TSPEAR: variants seen among roughly 807,000 people sequenced by gnomAD.
TSPEAR encodes thrombospondin-type laminin G domain and EAR repeat-containing protein.
In TSPEAR, 69 loss-of-function variants were observed where a neutral mutation model predicts 71.6. The observed-to-expected ratio is 0.96, with a 90% CI of 0.79 to 1.18. The LOEUF (loss-of-function observed/expected upper bound fraction) is 1.18. Among genes scored for constraint, TSPEAR ranks in the 50% most tolerant of loss-of-function variants. The pLI, the probability that TSPEAR is intolerant of heterozygous loss-of-function variation, is 0.00. For synonymous variants in TSPEAR, 402 were observed against 387.2 expected, an observed-to-expected ratio of 1.04 and a Z score of -0.45; for missense variants, 971 against 894.9, an observed-to-expected ratio of 1.09 and a Z score of -1.09.
intron 1 of TSPEAR, among the ~76,000 whole-genome samples, chr21:44,578,241 C>T (rs1057427069): frequency 4.6e-5 from 7 of 151,070 alleles, no homozygotes; most frequent in African/African-American, 1.7e-4. Flanking sequence ...TAAAGGAAAC[C>T]AAACAAATAA....
chr21:44,708,445 T>G (rs567774129), intron 1 of TSPEAR, among the ~76,000 whole-genome samples: 10 of 152,196 alleles, frequency 6.6e-5, no homozygotes. Context: ...GGACAGAGGT[T>G]GAGGGCAGAG....
intron 1 of TSPEAR, chr21:44,637,836 C>G (rs1983736848): frequency 7.2e-7 from 1 of 1,384,468 alleles, no homozygotes. Flanking sequence ...TGCACCTCCT[C>G]CCCATGCCAG....
chr21:44,611,908 A>G (rs897178741), intron 1 of TSPEAR, among the ~76,000 whole-genome samples: 3 of 152,220 alleles, frequency 2.0e-5, no homozygotes, highest in Admixed American at 1.3e-4. Flanking sequence ...TCCTGGGACC[A>G]CAGTAACATC....
At chr21:44,529,225 C>T (rs900403010) in intron 5 of TSPEAR, among the ~76,000 whole-genome samples, 8 of 152,182 alleles carry the variant, frequency 5.3e-5, no homozygotes, top group East Asian at 1.9e-4. Flanking sequence ...AGTGGGGATG[C>T]GGCGGGGAGG....
chr21:44,678,820 G>A (rs189299929), intron 1 of TSPEAR, among the ~76,000 whole-genome samples: 18 of 152,186 alleles, frequency 1.2e-4, no homozygotes, highest in Non-Finnish European at 1.6e-4. Flanking sequence ...GTAGTGTTTC[G>A]ATACACCAAT....
chr21:44,512,829 A>G (rs1376791463), intron 9 of TSPEAR, among the ~76,000 whole-genome samples: 1 of 152,070 alleles, frequency 6.6e-6, no homozygotes, highest in Non-Finnish European at 1.5e-5. Flanking sequence ...CAGTGGCCGG[A>G]GTGAATGCTG....
intron 1 of TSPEAR, chr21:44,698,100 G>A: frequency 3.4e-6 from 3 of 882,334 alleles, no homozygotes; most frequent in Non-Finnish European, 5.1e-6. Context: ...CCTAAGCCCT[G>A]GGGGCTCCTG....
chr21:44,639,827 A>G (rs1827518), intron 1 of TSPEAR, among the ~76,000 whole-genome samples: 38,113 of 151,658 alleles, frequency 0.25, 5,461 homozygotes, highest in African/African-American at 0.4. Flanking sequence ...TTCCCTGTCC[A>G]AGGCACCGAC....
At chr21:44,512,152 G>A (rs1427133023) in intron 9 of TSPEAR, among the ~76,000 whole-genome samples, 13 of 152,338 alleles carry the variant, frequency 8.5e-5, no homozygotes, top group South Asian at 2.1e-4. Flanking sequence ...CACAGAGTGC[G>A]GAGCAGGGGC....
chr21:44,600,957 C>T (rs587709712), intron 1 of TSPEAR: 196 of 1,610,770 alleles, frequency 1.2e-4, no homozygotes, highest in Admixed American at 7.7e-4. Context: ...GCTGCGTGCC[C>T]GTCTGCTGCA....
intron 1 of TSPEAR, among the ~76,000 whole-genome samples, chr21:44,655,121 GC>G (rs1569243361): frequency 6.6e-6 from 1 of 152,238 alleles, no homozygotes; most frequent in African/African-American, 2.4e-5. Flanking sequence ...CAGAGGTCTA[GC>G]ACTGTGCCAG....
intron 1 of TSPEAR, among the ~76,000 whole-genome samples, chr21:44,568,885 G>C (rs970051331): frequency 2.6e-5 from 4 of 152,196 alleles, no homozygotes; most frequent in Non-Finnish European, 4.4e-5. Flanking sequence ...TGTTGGGTCA[G>C]TCCACTCTGG....
At chr21:44,697,368 G>A in intron 1 of TSPEAR, 2 of 1,613,348 alleles carry the variant, frequency 1.2e-6, no homozygotes, top group Non-Finnish European at 1.7e-6. Context: ...ACCCCAGTGA[G>A]CCGTGTATCC....
intron 8 of TSPEAR, among the ~76,000 whole-genome samples, chr21:44,522,881 C>T (rs1169916251): frequency 6.6e-6 from 1 of 152,272 alleles, no homozygotes; most frequent in Non-Finnish European, 1.5e-5. Context: ...CCTGGGCCCA[C>T]CACCCAACAT....
chr21:44,587,885 C>T (rs1979444664), intron 1 of TSPEAR, among the ~76,000 whole-genome samples: 1 of 152,166 alleles, frequency 6.6e-6, no homozygotes, highest in South Asian at 2.1e-4. Context: ...CAAGATGGAT[C>T]AAGGACTTAA....
intron 1 of TSPEAR, among the ~76,000 whole-genome samples, chr21:44,602,332 T>A (rs1325616965): frequency 6.6e-6 from 1 of 152,078 alleles, no homozygotes; most frequent in Non-Finnish European, 1.5e-5. Context: ...GTCCGAGGGG[T>A]AGGCAGGACT....
At chr21:44,636,255 T>C (rs1356956844) in intron 1 of TSPEAR, among the ~76,000 whole-genome samples, 3 of 152,192 alleles carry the variant, frequency 2.0e-5, no homozygotes, top group African/African-American at 7.2e-5. Context: ...GGGACATACG[T>C]TGTATGTGTT....
rs1984059663 is a variant in TSPEAR at position 44,642,286 on chromosome 21, G to A, written c.82+69147C>T. Among the ~76,000 whole-genome samples, 1 of 152,176 alleles carries A rather than the reference G, an allele frequency of 6.6e-6. No homozygotes were observed. The highest frequency in any genetic ancestry group is 2.1e-4 in the South Asian group (1 of 4,830). The stretch of plus-strand genomic sequence containing the variant: ...AGGCAGACTCAGATGTTTCAAAGAT[G>A]TATACCATCAGCCTTCAATACAAAG... On this transcript the variant is annotated intron_variant, in intron 1 of 11. Coordinates refer to ENST00000323084, the MANE Select transcript of TSPEAR (RefSeq NM_144991.3). This position sits in a 1 kb window ranked among gnomAD's most constrained non-coding sequence, Gnocchi z 4.1.
rs2052721147 is a variant in TSPEAR, at chr21:44,520,912, C to A, written c.1566+971G>T. On this transcript the variant is annotated intron_variant, in intron 9 of 11. Transcript: ENST00000323084. This position sits in a 1 kb window ranked among gnomAD's most constrained non-coding sequence, Gnocchi z 4.2. ...GTTTTTCCAGACTCCCTGATGGGGG[C>A]GGGGGGTCCGGGCATCAGCGTCTGC... 6.6e-6 allele frequency: 1 copy of A among 152,258 alleles called. No individual in the cohort carries two copies. Among genetic ancestry groups the A allele is most frequent in the South Asian group, 2.1e-4 (1 of 4,832 alleles). The allele number at this position is 152,258 out of a possible 1,614,324, so 9.4% of individuals were successfully genotyped here.
Sources: gnomAD v4.1 joint callset for allele counts (sites outside exome capture counted in the v4.1 genomes callset) on GRCh38, gnomAD v4.1.1 for gene constraint, Gnocchi (gnomAD v3.1) non-coding constraint, MANE v1.5 for transcripts, NCBI Gene and HGNC (gene_info 2026-07-23, HGNC 2026-07-21) for gene names.